The following KLF13 variants were observed in gnomAD, a reference collection of about 807,000 sequenced individuals.
KLF13 encodes Krueppel-like factor 13.
A neutral mutation model predicts 16.7 loss-of-function variants in KLF13; 8 were observed. That is an observed-to-expected ratio of 0.48 (90% CI 0.28 to 0.87). The LOEUF is 0.87. Ranked by LOEUF, KLF13 falls within the 40% of genes least tolerant of loss-of-function variation. KLF13 has a pLI of 0.10. For missense variants in KLF13, 447 were observed against 452.2 expected, an observed-to-expected ratio of 0.99 and a Z score of 0.10; for synonymous variants, 245 against 208.4, an observed-to-expected ratio of 1.18 and a Z score of -1.51.
Position 31,362,548 on chromosome 15 carries a change from T to G in KLF13, c.578-9462T>G, listed in dbSNP as rs533280553. ...CCAGTAATGTGCCCAGAGTGTTGAA[T>G]GTCTGATTTTTAAATTGGCATTATT... is the stretch of plus-strand genomic sequence containing the variant. On this transcript the variant is annotated intron_variant, in intron 1 of 1. Transcript: ENST00000307145. Among the ~76,000 whole-genome samples the G allele has an allele frequency of 1.6e-4, 24 of 152,352 alleles. No homozygotes were observed. The South Asian group carries it at 5.0e-3, about 32-fold the overall frequency.
At chr15:31,405,883 T>C, downstream of KLF13, among the ~76,000 whole-genome samples, 1 of 152,118 alleles carries the variant, frequency 6.6e-6, no homozygotes, top group Non-Finnish European at 1.5e-5. Flanking sequence ...AAAGTAACAG[T>C]TGTCCCTGGA....
intron 1 of KLF13, among the ~76,000 whole-genome samples, chr15:31,346,114 G>A (rs556530412): frequency 3.3e-5 from 5 of 152,142 alleles, no homozygotes; most frequent in Middle Eastern, 3.4e-3. Flanking sequence ...AGGAGCCCCC[G>A]AGAACCCTGA....
At chr15:31,417,366 G>A (rs2040267141) in intron 1 of KLF13, among the ~76,000 whole-genome samples, 3 of 151,582 alleles carry the variant, frequency 2.0e-5, no homozygotes, top group Admixed American at 1.3e-4. Flanking sequence ...ATCATGGTGT[G>A]CGCCTGTAAT....
rs2039803440 is a variant in KLF13, at chr15:31,387,046, A to G, written n.224-48324A>G. Among the ~76,000 whole-genome samples, 3 of 152,202 alleles carry G rather than the reference A, an allele frequency of 2.0e-5. No individual in the cohort carries two copies. In the South Asian group the frequency reaches 6.2e-4, roughly 31 times the overall value. ...ACAGTGGTTTCTTGAGATGGAATCT[A>G]CTCCTTGTGAAGATGCTGTGAACAT... On this transcript the variant is annotated intron_variant and non_coding_transcript_variant, in intron 1 of 1. Coordinates refer to the KLF13 transcript ENST00000558921.
rs2040359962 is a variant in KLF13, at chr15:31,423,151, ATACG to A, written n.118-12216_118-12213del. ...TATATACGTATACGTATACGTATAT[ATACG>A]TATATATATGTATATATATACATAT... On this transcript the variant is annotated intron_variant and non_coding_transcript_variant, in intron 1 of 1. Coordinates refer to the KLF13 transcript ENST00000558225. 1.7e-5 allele frequency among the ~76,000 whole-genome samples: 2 copies of A among 120,144 alleles called. 1 individual carries two copies. Among genetic ancestry groups the A allele is most frequent in the African/African-American group, 8.5e-5 (2 of 23,576 alleles). 78.8% of individuals were successfully genotyped at this position (120,144 alleles called of 152,430 possible). A position where few individuals can be genotyped will look rare whatever the true frequency, so the allele number is the denominator to read the frequency against.
chr15:31,347,356 G>T (rs943714605), intron 1 of KLF13, among the ~76,000 whole-genome samples: 5 of 152,218 alleles, frequency 3.3e-5, no homozygotes, highest in Non-Finnish European at 2.9e-5. Flanking sequence ...TCCCCCTGAG[G>T]CAGGGCTGGG....
intron 1 of KLF13, among the ~76,000 whole-genome samples, chr15:31,328,259 C>T (rs1286026123): frequency 6.6e-6 from 1 of 151,498 alleles, no homozygotes; most frequent in Non-Finnish European, 1.5e-5. Context: ...AGGGGAGGGG[C>T]CGGCCCCGGC....
At position 31,372,722 on chromosome 15, in the gene KLF13, G is replaced by A. The variant is rs1347456608; in HGVS notation, c.*423G>A. 5.9e-6 allele frequency: 1 copy of A among 168,416 alleles called. No individual in the cohort carries two copies. The highest frequency in any genetic ancestry group is 6.1e-5 in the Admixed American group (1 of 16,324). The allele number at this position is 168,416 out of a possible 1,614,324, so 10.4% of individuals were successfully genotyped here. A position where few individuals can be genotyped will look rare whatever the true frequency, so the allele number is the denominator to read the frequency against. On this transcript the variant is annotated 3_prime_UTR_variant, in exon 2 of 2. Coordinates refer to ENST00000307145, the MANE Select transcript of KLF13 (RefSeq NM_015995.4). The stretch of plus-strand genomic sequence containing the variant: ...GGCTGGCTGGCCAGCCTGTGGGTCT[G>A]TTGGGAGCAGATGTGCTCACTGACG...
chr15:31,380,744 A>G (rs8034505), downstream of KLF13, among the ~76,000 whole-genome samples: 65,871 of 152,108 alleles, frequency 0.43, 14,321 homozygotes, highest in South Asian at 0.47. Flanking sequence ...AAAGACATGC[A>G]GCTACTCCTG....
At chr15:31,385,007 T>TG (rs1399891513) in intron 1 of KLF13, among the ~76,000 whole-genome samples, 1 of 152,122 alleles carries the variant, frequency 6.6e-6, no homozygotes, top group Non-Finnish European at 1.5e-5. Flanking sequence ...GTGGATCTCA[T>TG]GATTTCATAA....
At chr15:31,401,189 C>T (rs560729623) in intron 2 of KLF13, among the ~76,000 whole-genome samples, 4 of 152,136 alleles carry the variant, frequency 2.6e-5, no homozygotes, top group South Asian at 2.1e-4. Context: ...TAGTAGAGAC[C>T]GGGTTTCACC....
downstream of KLF13, among the ~76,000 whole-genome samples, chr15:31,378,721 GAC>G (rs1380283431): frequency 1.3e-5 from 2 of 152,126 alleles, no homozygotes; most frequent in South Asian, 2.1e-4. Context: ...TTTTTTTTGA[GAC>G]ACAGTCTCGC....
intron 1 of KLF13, among the ~76,000 whole-genome samples, chr15:31,370,044 C>CTTTTTTTT (rs912005994): frequency 1.2e-3 from 117 of 98,842 alleles, no homozygotes; most frequent in Middle Eastern, 6.3e-3. Flanking sequence ...TCTCCTTTTT[C>CTTTTTTTT]TTTTTTTTTT....
downstream of KLF13, among the ~76,000 whole-genome samples, chr15:31,406,798 C>T (rs745488523): frequency 2.0e-5 from 3 of 152,122 alleles, no homozygotes; most frequent in Non-Finnish European, 4.4e-5. Flanking sequence ...GTCAGTGTAT[C>T]CTCTTTAGAT....
At chr15:31,395,738 C>T (rs1370716237) in intron 2 of KLF13, among the ~76,000 whole-genome samples, 1 of 152,084 alleles carries the variant, frequency 6.6e-6, no homozygotes, top group African/African-American at 2.4e-5. Flanking sequence ...CCGATGGCAA[C>T]ATTTCATCTA....
exon 2 of KLF13, chr15:31,435,457 T>A (rs997478159): frequency 6.6e-6 from 1 of 152,098 alleles, no homozygotes; most frequent in Non-Finnish European, 1.5e-5. Context: ...TTCCGCCCCC[T>A]AGGGTCCAAG....
intron 1 of KLF13, 51 bp downstream of exon 1, chr15:31,327,840 G>C (rs2038745895): frequency 7.4e-7 from 1 of 1,356,718 alleles, no homozygotes; most frequent in East Asian, 3.2e-5. Context: ...GTCGGCGCGA[G>C]CTGCCCGACC....
intron 1 of KLF13, among the ~76,000 whole-genome samples, chr15:31,418,064 A>G (rs1014584305): frequency 3.3e-5 from 5 of 152,204 alleles, no homozygotes; most frequent in Non-Finnish European, 2.9e-5. Flanking sequence ...CCACCTCTAT[A>G]TATAAAAAGA....
chr15:31,345,838 C>A (rs1000353604), intron 1 of KLF13, among the ~76,000 whole-genome samples: 2 of 152,118 alleles, frequency 1.3e-5, no homozygotes, highest in African/African-American at 4.8e-5. Context: ...ATATTTGCAC[C>A]GTCAGTTTAC....
Sources: allele counts gnomAD v4.1 joint callset (sites outside exome capture counted in the v4.1 genomes callset), GRCh38; gene constraint gnomAD v4.1.1; transcripts MANE v1.5; gene names NCBI Gene and HGNC (gene_info 2026-07-23, HGNC 2026-07-21).